The following SRCIN1 variants were observed in gnomAD, a reference collection of about 807,000 sequenced individuals.
SRCIN1 encodes the protein P130Cas-associated protein.
Under a neutral mutation model 116.2 loss-of-function variants are expected in SRCIN1, and 50 were observed. The observed-to-expected ratio is 0.43, with a 90% confidence interval of 0.34 to 0.54. The LOEUF is 0.54. Among genes scored for constraint, SRCIN1 ranks in the 20% least tolerant of loss-of-function variants. The pLI, the probability that SRCIN1 is intolerant of heterozygous loss-of-function variation, is 0.02. For missense variants in SRCIN1, 1,446 were observed against 1,672.0 expected, an observed-to-expected ratio of 0.86 and a Z score of 2.36; for synonymous variants, 736 against 750.0, an observed-to-expected ratio of 0.98 and a Z score of 0.30.
In SRCIN1 at chr17:38,552,387, C is replaced by A; in HGVS notation, c.2480+60G>T. ...AGTTGGGGTAAGGGTTCAGTATGAC[C>A]TATGGGTCTGGGCCCGGTGTGTGAA... is the stretch of plus-strand genomic sequence containing the variant. On this transcript the variant is annotated intron_variant, in intron 13 of 18. Coordinates refer to ENST00000617146, the MANE Select transcript of SRCIN1 (RefSeq NM_025248.3). The surrounding 1 kb of genome is among the most constrained non-coding windows in gnomAD (Gnocchi z 5.3). 2 of 1,545,574 alleles carry A rather than the reference C, an allele frequency of 1.3e-6. No individual in the cohort carries two copies. Among genetic ancestry groups the A allele is most frequent in the Non-Finnish European group, 1.7e-6 (2 of 1,148,606 alleles).
intron 2 of SRCIN1, 87 bp downstream of exon 2, chr17:38,578,403 C>A: frequency 7.0e-7 from 1 of 1,433,358 alleles, no homozygotes. Flanking sequence ...TTGGAATGAG[C>A]CTGGGGACAC....
chr17:38,595,099 T>G (rs1392796726), intron 1 of SRCIN1, among the ~76,000 whole-genome samples: 2 of 152,144 alleles, frequency 1.3e-5, no homozygotes, highest in Non-Finnish European at 2.9e-5. Flanking sequence ...CTTCCAACTC[T>G]TCAACCTCTA....
rs866135733 is a variant in SRCIN1, at chr17:38,564,127, G to T, written c.532C>A (p.Arg178Ser). ...LSRSASQTKLRSPGVLFLQFG... is the reference protein window; with the variant it reads ...LSRSASQTKLSSPGVLFLQFG... ...ACTGGGCGGGCAGTACCTGGGGAGC[G>T]CAGCTTGGTCTGGCTGGCCGAGCGG... Residue 178 changes from arginine (R) to serine (S), a missense_variant, in exon 4 of 19, where the codon CGC (arginine) becomes AGC (serine). By Grantham distance (110) the Arg-to-Ser change is moderately radical. Around this residue, in one of 5 missense-constraint regions of SRCIN1, gnomAD observed 246 missense variants for 265.1 expected, o/e 0.93. Coordinates refer to ENST00000617146, the MANE Select transcript of SRCIN1 (RefSeq NM_025248.3). 6.3e-7 allele frequency: 1 copy of T among 1,598,306 alleles called. No individual in the cohort carries two copies. Among genetic ancestry groups the T allele is most frequent in the South Asian group, 1.1e-5 (1 of 88,040 alleles).
Position 38,564,099 on chromosome 17 carries a change from T to C in SRCIN1, c.541+19A>G, listed in dbSNP as rs1476260458. ...GAGGAGCCTGTGTGGGGAGGGAGGG[T>C]GGACTGGGCGGGCAGTACCTGGGGA... On this transcript the variant is annotated intron_variant, in intron 4 of 18. Coordinates refer to ENST00000617146, the MANE Select transcript of SRCIN1 (RefSeq NM_025248.3). The C allele has an allele frequency of 7.9e-7, 1 of 1,268,248 alleles. No individual in the cohort carries two copies. The highest frequency in any genetic ancestry group is 1.0e-6 in the Non-Finnish European group (1 of 972,536). 78.6% of individuals were successfully genotyped at this position (1,268,248 alleles called of 1,614,324 possible).
chr17:38,581,153 T>A (rs1000504669), intron 1 of SRCIN1, among the ~76,000 whole-genome samples: 1 of 151,554 alleles, frequency 6.6e-6, no homozygotes, highest in Non-Finnish European at 1.5e-5. Context: ...ATACCTGTAA[T>A]CCCAGCACTT....
Position 38,552,258 on chromosome 17 carries a change from A to G in SRCIN1, c.2481-126T>C. 6.9e-7 allele frequency: 1 copy of G among 1,449,982 alleles called. No individual in the cohort carries two copies. Among genetic ancestry groups the G allele is most frequent in the South Asian group, 1.4e-5 (1 of 72,672 alleles). The allele number at this position is 1,449,982 out of a possible 1,614,324, so 89.8% of individuals were successfully genotyped here. A position where few individuals can be genotyped will look rare whatever the true frequency, so the allele number is the denominator to read the frequency against. ...GATGCTGTGGGAGGGCCTGGGGAGG[A>G]GTGACTGCCCCTGGTATAAGAGGAA... On this transcript the variant is annotated intron_variant, in intron 13 of 18. Coordinates refer to ENST00000617146, the MANE Select transcript of SRCIN1 (RefSeq NM_025248.3). The surrounding 1 kb of genome is among the most constrained non-coding windows in gnomAD (Gnocchi z 5.3).
At position 38,604,249 on chromosome 17, in the gene SRCIN1, G is replaced by A. The variant is rs1909225581; in HGVS notation, c.22+1435C>T. Among the ~76,000 whole-genome samples, 1 of 152,096 alleles carries A rather than the reference G, an allele frequency of 6.6e-6. No homozygotes were observed. On this transcript the variant is annotated intron_variant, in intron 1 of 18. Coordinates refer to ENST00000617146, the MANE Select transcript of SRCIN1 (RefSeq NM_025248.3). This position sits in a 1 kb window ranked among gnomAD's most constrained non-coding sequence, Gnocchi z 4.3. ...AACATTCAGGCCCACAAACCTGGAA[G>A]TCTGGTCAGCTTCCCTCACTCCCAA... is the stretch of plus-strand genomic sequence containing the variant.
chr17:38,588,073 G>GGAAGAA (rs758640675), intron 1 of SRCIN1, among the ~76,000 whole-genome samples: 3 of 148,150 alleles, frequency 2.0e-5, no homozygotes, highest in Non-Finnish European at 4.5e-5. Context: ...AAAAAAAAAA[G>GGAAGAA]GAAGAAGAAG....
At chr17:38,561,155 A>G (rs970970025) in intron 7 of SRCIN1, among the ~76,000 whole-genome samples, 6 of 152,152 alleles carry the variant, frequency 3.9e-5, no homozygotes, top group Non-Finnish European at 8.8e-5. Context: ...CAACCCCTCA[A>G]TTTTACAGTT....
chr17:38,565,335 T>C (rs1354863210), intron 3 of SRCIN1, among the ~76,000 whole-genome samples: 1 of 152,266 alleles, frequency 6.6e-6, no homozygotes, highest in African/African-American at 2.4e-5. Context: ...CATCATTCCA[T>C]GTTATGTGCA....
At chr17:38,538,436 ATAAT>A (rs1567849002) in intron 18 of SRCIN1, among the ~76,000 whole-genome samples, 12 of 145,628 alleles carry the variant, frequency 8.2e-5, no homozygotes, top group African/African-American at 3.1e-4. Flanking sequence ...AAAAAAAATA[ATAAT>A]AATAATAATA....
chr17:38,571,384 G>A (rs1907066765), intron 2 of SRCIN1, among the ~76,000 whole-genome samples: 1 of 152,136 alleles, frequency 6.6e-6, no homozygotes. Flanking sequence ...GTGGAGGGTG[G>A]GATCTCTGAA....
rs1243309898 is a variant in SRCIN1, at chr17:38,531,633, G to T, written c.*1664C>A. 4 of 147,212 alleles carry T rather than the reference G, an allele frequency of 2.7e-5. No individual in the cohort carries two copies. Among genetic ancestry groups the T allele is most frequent in the Admixed American group, 6.9e-5 (1 of 14,588 alleles). 9.1% of individuals were successfully genotyped at this position (147,212 alleles called of 1,614,324 possible). A position where few individuals can be genotyped will look rare whatever the true frequency, so the allele number is the denominator to read the frequency against. The stretch of plus-strand genomic sequence containing the variant: ...TCCTCTTTTGTTATTTTTCAAAAAG[G>T]CTTGCTCGCCTTGGTACAAAAATGA... On this transcript the variant is annotated 3_prime_UTR_variant, in exon 19 of 19. Coordinates refer to ENST00000617146, the MANE Select transcript of SRCIN1 (RefSeq NM_025248.3).
intron 1 of SRCIN1, among the ~76,000 whole-genome samples, chr17:38,593,106 C>T (rs2143416563): frequency 6.6e-6 from 1 of 152,256 alleles, no homozygotes; most frequent in East Asian, 1.9e-4. Flanking sequence ...CATTAGGAGC[C>T]ACCAGAGGTT....
intron 17 of SRCIN1, among the ~76,000 whole-genome samples, chr17:38,545,940 C>G (rs1377359708): frequency 6.6e-6 from 1 of 152,246 alleles, no homozygotes; most frequent in Non-Finnish European, 1.5e-5. Context: ...CCTCTGGCAT[C>G]TCAAACCAGA....
chr17:38,553,380 C>T (rs964414850), intron 11 of SRCIN1, among the ~76,000 whole-genome samples: 10 of 152,254 alleles, frequency 6.6e-5, no homozygotes, highest in African/African-American at 2.4e-4. Flanking sequence ...ACCATCTGCC[C>T]CCTTGGAAGC....
Position 38,552,742 on chromosome 17 carries a change from G to A in SRCIN1, c.2315C>T (p.Thr772Met), listed in dbSNP as rs756799655. 2.4e-5 allele frequency: 38 copies of A among 1,613,742 alleles called. No individual in the cohort carries two copies. Among genetic ancestry groups the A allele is most frequent in the South Asian group, 4.4e-5 (4 of 91,064 alleles). Residue 772 changes from threonine (T) to methionine (M), a missense_variant, in exon 12 of 19, where the codon ACG becomes ATG. Coordinates refer to ENST00000617146, the MANE Select transcript of SRCIN1 (RefSeq NM_025248.3). The surrounding 1 kb of genome is among the most constrained non-coding windows in gnomAD (Gnocchi z 5.3). The part of the protein sequence containing the change: ...KALVLKQLGE[T>M]LTELKAHFPG... ...AGACCCACCCTTGAGCTCTGTCAGC[G>A]TCTCCCCGAGCTGCTTCAGCACCAG...
chr17:38,538,876 T>C (rs1904555924), intron 18 of SRCIN1, among the ~76,000 whole-genome samples: 1 of 152,040 alleles, frequency 6.6e-6, no homozygotes. Flanking sequence ...TAATCGCATA[T>C]CTCTCTGTGC....
At chr17:38,556,857 G>T (rs546506624) in intron 11 of SRCIN1, among the ~76,000 whole-genome samples, 1 of 152,162 alleles carries the variant, frequency 6.6e-6, no homozygotes, top group Admixed American at 6.6e-5. Flanking sequence ...CTCTCCTTTC[G>T]TATCTTCTGG....
Sources: gnomAD v4.1 joint callset for allele counts (sites outside exome capture counted in the v4.1 genomes callset) on GRCh38, gnomAD v4.1.1 for gene constraint, gnomAD v4.1.1 regional missense constraint, Gnocchi (gnomAD v3.1) non-coding constraint, MANE v1.5 for transcripts, NCBI Gene and HGNC (gene_info 2026-07-23, HGNC 2026-07-21) for gene names.